Variants in PLAT observed in about 807,000 individuals in gnomAD.
PLAT encodes tissue-type plasminogen activator.
In PLAT, 48 loss-of-function variants were observed where a neutral mutation model predicts 74.9. The ratio of observed to expected loss-of-function variants is 0.64; its 90% CI spans 0.51 to 0.82. PLAT has a LOEUF of 0.82. PLAT is among the 40% of genes least tolerant of loss of function. The probability of loss-of-function intolerance (pLI) is 0.00; values close to 1 mark genes in which losing one functional copy is unlikely to be tolerated. For synonymous variants in PLAT, 307 were observed against 294.4 expected, an observed-to-expected ratio of 1.04 and a Z score of -0.44; for missense variants, 673 against 736.2, an observed-to-expected ratio of 0.91 and a Z score of 0.99.
chr8:42,175,417 CTG>C lies in PLAT; in HGVS notation c.*574_*575del, dbSNP rs967551263. The C allele has an allele frequency of 3.3e-5, 5 of 153,032 alleles. No individual in the cohort carries two copies. Among genetic ancestry groups the C allele is most frequent in the Non-Finnish European group, 7.3e-5 (5 of 68,616 alleles). The allele number at this position is 153,032 out of a possible 1,614,324, so 9.5% of individuals were successfully genotyped here. ...AGAAAAAGGATTTACACTTTACACA[CTG>C]TACACAAAAGGAATACCTTCTGAGA... On this transcript the variant is annotated 3_prime_UTR_variant, in exon 14 of 14. Coordinates refer to ENST00000220809, the MANE Select transcript of PLAT (RefSeq NM_000930.5).
Position 42,182,045 on chromosome 8 carries a change from G to T in PLAT, c.804-23C>A, listed in dbSNP as rs555453198. On this transcript the variant is annotated intron_variant, in intron 8 of 13. Coordinates refer to ENST00000220809, the MANE Select transcript of PLAT (RefSeq NM_000930.5). ...TTCCTAAATGATAAGAGAGTTTAAGGTTTCCTTTTTATCTTCTTATTTTTT... is the reference window on the plus strand; with the variant it reads ...TTCCTAAATGATAAGAGAGTTTAAGTTTTCCTTTTTATCTTCTTATTTTTT... 24 of 1,470,878 alleles carry T rather than the reference G, an allele frequency of 1.6e-5. No individual in the cohort carries two copies. In the South Asian group the frequency reaches 1.8e-4, roughly 11 times the overall value. The allele number at this position is 1,470,878 out of a possible 1,614,324, so 91.1% of individuals were successfully genotyped here. A position where few individuals can be genotyped will look rare whatever the true frequency, so the allele number is the denominator to read the frequency against.
chr8:42,179,342 C>T (rs1315729712), intron 12 of PLAT, among the ~76,000 whole-genome samples: 2 of 152,154 alleles, frequency 1.3e-5, no homozygotes, highest in Admixed American at 6.5e-5. Context: ...CTGCAGTGTG[C>T]AGCATCCCTG....
intron 1 of PLAT, among the ~76,000 whole-genome samples, chr8:42,205,284 C>T (rs770976523): frequency 2.6e-4 from 39 of 152,124 alleles, no homozygotes; most frequent in Non-Finnish European, 4.7e-4. Context: ...CCCAGCACTT[C>T]GGGGGGCCGA....
chr8:42,205,065 G>C (rs1806280666), intron 1 of PLAT, among the ~76,000 whole-genome samples: 1 of 152,074 alleles, frequency 6.6e-6, no homozygotes. Context: ...TTACCCACAA[G>C]GAAACTCCTT....
At position 42,195,407 on chromosome 8, in the gene PLAT, G is replaced by A. The variant is rs560382882; in HGVS notation, c.-26-2196C>T. ...GCTCAGAGGGAGGCTCGCCAGCGTG[G>A]CATCCTCTCAGCCTCCCTGCACCTG... On this transcript the variant is annotated intron_variant, in intron 1 of 13. Coordinates refer to ENST00000220809, the MANE Select transcript of PLAT (RefSeq NM_000930.5). Among the ~76,000 whole-genome samples, 3 of 152,292 alleles carry A rather than the reference G, an allele frequency of 2.0e-5. No homozygotes were observed. In the South Asian group the frequency reaches 6.2e-4, roughly 32 times the overall value.
chr8:42,203,056 C>G (rs1310599848), intron 1 of PLAT, among the ~76,000 whole-genome samples: 1 of 152,126 alleles, frequency 6.6e-6, no homozygotes, highest in African/African-American at 2.4e-5. Flanking sequence ...TTTGGAATCT[C>G]TGAGTGTTCT....
chr8:42,206,492 A>T (rs1328448772), intron 1 of PLAT, among the ~76,000 whole-genome samples: 2 of 151,966 alleles, frequency 1.3e-5, no homozygotes, highest in Non-Finnish European at 1.5e-5. Flanking sequence ...TATTTGCAAG[A>T]CCCCTTCCCG....
chr8:42,188,847 A>C, intron 4 of PLAT, 87 bp downstream of exon 4: 1 of 1,173,098 alleles, frequency 8.5e-7, no homozygotes, highest in Non-Finnish European at 1.2e-6. Flanking sequence ...TTGGTCTTGA[A>C]CTCCCGGGCT....
chr8:42,187,249 TATC>T, intron 6 of PLAT, 146 bp downstream of exon 6: 1 of 577,506 alleles, frequency 1.7e-6, no homozygotes. Flanking sequence ...ATCTATCACC[TATC>T]ATCTATTATC....
At position 42,180,084 on chromosome 8, in the gene PLAT, G is replaced by A. The variant is rs1479938691; in HGVS notation, c.1223-18C>T. 6.3e-7 allele frequency: 1 copy of A among 1,599,756 alleles called. No individual in the cohort carries two copies. The highest frequency in any genetic ancestry group is 2.2e-5 in the East Asian group (1 of 44,672). Reference sequence around the variant, plus strand: ...CAGCAGCGCTGGGAGGGAGAAAGGAGGAGTGAGCTGGCGTGAGGGCCGCGT... The same window carrying A: ...CAGCAGCGCTGGGAGGGAGAAAGGAAGAGTGAGCTGGCGTGAGGGCCGCGT... On this transcript the variant is annotated intron_variant, in intron 11 of 13. Coordinates refer to ENST00000220809, the MANE Select transcript of PLAT (RefSeq NM_000930.5).
intron 6 of PLAT, 90 bp downstream of exon 6, chr8:42,187,308 T>C: frequency 2.5e-6 from 3 of 1,180,048 alleles, no homozygotes; most frequent in South Asian, 1.6e-5. Flanking sequence ...GTTATGTTTC[T>C]TGGGAGAACC....
rs371634086 is a variant in PLAT at position 42,185,296 on chromosome 8, G to T, written c.540-124C>A. ...GTGCTTTTTTTTTTGACAGAGTCTC[G>T]CTGTTTATCCCAGGCTGGAGTGCAG... is the stretch of plus-strand genomic sequence containing the variant. On this transcript the variant is annotated intron_variant, in intron 6 of 13. Transcript: ENST00000220809. 3 of 520,262 alleles carry T rather than the reference G, an allele frequency of 5.8e-6. 1 individual carries two copies. The highest frequency in any genetic ancestry group is 5.8e-5 in the South Asian group (2 of 34,208). 32.2% of individuals were successfully genotyped at this position (520,262 alleles called of 1,614,324 possible). A position where few individuals can be genotyped will look rare whatever the true frequency, so the allele number is the denominator to read the frequency against.
chr8:42,204,509 C>T (rs931384312), intron 1 of PLAT, among the ~76,000 whole-genome samples: 2 of 151,934 alleles, frequency 1.3e-5, no homozygotes, highest in Non-Finnish European at 2.9e-5. Context: ...GAGGCCAAGG[C>T]GGGCAGATCA....
At chr8:42,180,141 A>G (rs1805168735) in intron 11 of PLAT, 75 bp from the exon 12 acceptor site, 1 of 1,585,556 alleles carries the variant, frequency 6.3e-7, no homozygotes, top group African/African-American at 1.3e-5. Context: ...CAGGAGGGGC[A>G]GGGGCTGGAG....
At chr8:42,189,187 C>T in intron 3 of PLAT, 116 bp from the exon 4 acceptor site, 1 of 997,004 alleles carries the variant, frequency 1.0e-6, no homozygotes, top group Non-Finnish European at 1.5e-6. Flanking sequence ...CCATTGCATA[C>T]TCCCTTATTG....
chr8:42,203,992 T>TATATATATATATATACACACACAC (rs1554499838), intron 1 of PLAT, among the ~76,000 whole-genome samples: 3 of 109,894 alleles, frequency 2.7e-5, no homozygotes, highest in African/African-American at 1.6e-4. Flanking sequence ...TATATATATA[T>TATATATATATATATACACACACAC]ACACACACAC....
In PLAT at chr8:42,182,808, C is replaced by A; in HGVS notation, c.714G>T (p.Pro238=). ...SLTESGASCL[P]WNSMILIGKV... Reference sequence around the variant, plus strand: ...TGCCTATCAGGATCATGGAATTCCACGGGAGGCAGGAGGCACCCGACTCGG... The same window carrying A: ...TGCCTATCAGGATCATGGAATTCCAAGGGAGGCAGGAGGCACCCGACTCGG... Residue 238 remains proline (P), a synonymous_variant, in exon 8 of 14, where the codon CCG becomes CCT. Coordinates refer to ENST00000220809, the MANE Select transcript of PLAT (RefSeq NM_000930.5). 6.2e-7 allele frequency: 1 copy of A among 1,613,636 alleles called. No individual in the cohort carries two copies.
intron 13 of PLAT, 105 bp downstream of exon 13, chr8:42,178,792 A>G (rs1430688735): frequency 7.3e-6 from 8 of 1,093,240 alleles, no homozygotes; most frequent in Admixed American, 2.2e-5. Context: ...CTAAGAGGAA[A>G]TCACTCCACT....
At chr8:42,191,797 G>A (rs528235156) in intron 2 of PLAT, among the ~76,000 whole-genome samples, 1 of 152,196 alleles carries the variant, frequency 6.6e-6, no homozygotes, top group East Asian at 1.9e-4. Flanking sequence ...TGGAGTTGCA[G>A]CTGGCTGTCT....
Sources: gnomAD v4.1 joint callset for allele counts (sites outside exome capture counted in the v4.1 genomes callset) on GRCh38, gnomAD v4.1.1 for gene constraint, MANE v1.5 for transcripts, NCBI Gene and HGNC (gene_info 2026-07-23, HGNC 2026-07-21) for gene names.